The following OSBP2 variants were observed in gnomAD, a reference collection of about 807,000 sequenced individuals.
The protein encoded by OSBP2 is oxysterol binding protein 2, also known as oxysterol-binding protein 2.
Under a neutral mutation model 96.0 loss-of-function variants are expected in OSBP2, and 66 were observed. The observed-to-expected ratio is 0.69, with a 90% CI of 0.56 to 0.84. The LOEUF (loss-of-function observed/expected upper bound fraction) is 0.84, where lower values mean the gene tolerates loss of function less well. Among genes scored for constraint, OSBP2 ranks in the 40% least tolerant of loss-of-function variants. OSBP2 has a pLI of 0.00. For synonymous variants in OSBP2, 525 were observed against 520.9 expected (o/e 1.01, Z -0.11); for missense variants, 1,038 against 1,222.7 (o/e 0.85, Z 2.25).
At position 30,810,086 on chromosome 22, in the gene OSBP2, A is replaced by C. The variant is rs79718362; in HGVS notation, c.854-60343A>C. ...GGGCAAGGCTGTGCTGGTGCTACAGATGGGGAAATGTGAATGGGGGATAGG... is the reference window on the plus strand; with the variant it reads ...GGGCAAGGCTGTGCTGGTGCTACAGCTGGGGAAATGTGAATGGGGGATAGG... On this transcript the variant is annotated intron_variant, in intron 2 of 13. Transcript: ENST00000332585. 6.2e-3 allele frequency among the ~76,000 whole-genome samples: 943 copies of C among 152,176 alleles called. 11 individuals are homozygous for C. The highest frequency in any genetic ancestry group is 0.022 in the African/African-American group (903 of 41,500).
intron 2 of OSBP2, among the ~76,000 whole-genome samples, chr22:30,775,326 G>A (rs942589112): frequency 6.6e-6 from 1 of 151,992 alleles, no homozygotes; most frequent in Non-Finnish European, 1.5e-5. Context: ...ACACAAAATC[G>A]ACCAGGCGCA....
intron 2 of OSBP2, among the ~76,000 whole-genome samples, chr22:30,842,470 C>T (rs748476144): frequency 6.6e-6 from 1 of 152,110 alleles, no homozygotes; most frequent in Non-Finnish European, 1.5e-5. Context: ...AATAAGACAA[C>T]ACTGAAGTTT....
At chr22:30,867,495 CTT>C (rs2039366207) in intron 2 of OSBP2, among the ~76,000 whole-genome samples, 1 of 152,210 alleles carries the variant, frequency 6.6e-6, no homozygotes, top group Non-Finnish European at 1.5e-5. Flanking sequence ...CCCTCTCTCT[CTT>C]GTCCTACCCT....
intron 2 of OSBP2, among the ~76,000 whole-genome samples, chr22:30,818,662 A>ATG (rs148906134): frequency 3.8e-4 from 58 of 151,912 alleles, no homozygotes; most frequent in South Asian, 1.0e-3. Flanking sequence ...TATTTGTTGA[A>ATG]TGTGTGTGTG....
In OSBP2 at chr22:30,906,634, C is replaced by T. The variant is rs999858209; in HGVS notation, c.*295C>T. The T allele has an allele frequency of 2.0e-5, 6 of 297,438 alleles. No individual in the cohort carries two copies. The highest frequency in any genetic ancestry group is 1.2e-4 in the South Asian group (1 of 8,278). 18.4% of individuals were successfully genotyped at this position (297,438 alleles called of 1,614,324 possible). On this transcript the variant is annotated 3_prime_UTR_variant, in exon 14 of 14. Transcript: ENST00000332585. ...TTACCACAACTCAGGCCGGCTGGCC[C>T]GGGCCATGGGCTGCGCAAATCACCA...
chr22:30,728,487 TTTTG>T (rs1016513082), intron 1 of OSBP2, among the ~76,000 whole-genome samples: 1 of 152,098 alleles, frequency 6.6e-6, no homozygotes, highest in African/African-American at 2.4e-5. Flanking sequence ...TTCCAGGTTT[TTTTG>T]TTTGTTCATT....
In OSBP2 at chr22:30,772,198, C is replaced by T. The variant is rs564204576; in HGVS notation, c.853+30829C>T. Among the ~76,000 whole-genome samples, 12 of 152,302 alleles carry T rather than the reference C, an allele frequency of 7.9e-5. No homozygotes were observed. In the East Asian group the frequency reaches 1.9e-3, roughly 25 times the overall value. ...GATGGATCCTGCAAGTTGGGACTCC[C>T]GTGGGTGAGCTCTGGTTTTAGTGAC... On this transcript the variant is annotated intron_variant, in intron 2 of 13. Coordinates refer to ENST00000332585, the MANE Select transcript of OSBP2 (RefSeq NM_030758.4).
chr22:30,748,510 A>G (rs1037587379), intron 2 of OSBP2, among the ~76,000 whole-genome samples: 2 of 152,198 alleles, frequency 1.3e-5, no homozygotes, highest in African/African-American at 4.8e-5. Flanking sequence ...CCTCAGGGCC[A>G]GACACTAAGT....
At chr22:30,713,743 G>A (rs1186113631) in intron 1 of OSBP2, among the ~76,000 whole-genome samples, 1 of 152,142 alleles carries the variant, frequency 6.6e-6, no homozygotes, top group Non-Finnish European at 1.5e-5. Flanking sequence ...GATTACAGAT[G>A]TGAGCTATTA....
intron 2 of OSBP2, chr22:30,764,537 G>GACCAA: frequency 3.7e-6 from 1 of 268,140 alleles, no homozygotes; most frequent in Non-Finnish European, 5.7e-6. Flanking sequence ...GATGCAAGTG[G>GACCAA]GCTTGGTCCA....
At chr22:30,893,043 G>A in intron 8 of OSBP2, 79 bp from the exon 9 acceptor site, 8 of 1,562,642 alleles carry the variant, frequency 5.1e-6, no homozygotes, top group Non-Finnish European at 6.9e-6. Flanking sequence ...GGCAGGGCAA[G>A]CTGTCCCTCC....
At chr22:30,884,215 T>C (rs2039762424) in intron 3 of OSBP2, among the ~76,000 whole-genome samples, 1 of 152,144 alleles carries the variant, frequency 6.6e-6, no homozygotes, top group South Asian at 2.1e-4. Flanking sequence ...GTTTCTTTCT[T>C]TCCTCGAGGA....
chr22:30,808,212 T>C (rs546335276), intron 2 of OSBP2, among the ~76,000 whole-genome samples: 112 of 152,216 alleles, frequency 7.4e-4, no homozygotes, highest in African/African-American at 2.6e-3. Context: ...CCCCAAAAGA[T>C]ATGTTAGGCC....
At position 30,796,374 on chromosome 22, in the gene OSBP2, A is replaced by T. The variant is rs192742269; in HGVS notation, c.853+55005A>T. 1.3e-4 allele frequency among the ~76,000 whole-genome samples: 20 copies of T among 152,334 alleles called. No individual in the cohort carries two copies. In the East Asian group the frequency reaches 2.7e-3, roughly 21 times the overall value. ...TCTCAAGTTTTAGAACATTGTAAACATAAATATATTTACAAGGGAAATAAT... is the reference window on the plus strand; with the variant it reads ...TCTCAAGTTTTAGAACATTGTAAACTTAAATATATTTACAAGGGAAATAAT... On this transcript the variant is annotated intron_variant, in intron 2 of 13. Coordinates refer to ENST00000332585, the MANE Select transcript of OSBP2 (RefSeq NM_030758.4).
At chr22:30,745,414 C>T (rs547145347) in intron 2 of OSBP2, among the ~76,000 whole-genome samples, 1 of 152,202 alleles carries the variant, frequency 6.6e-6, no homozygotes, top group African/African-American at 2.4e-5. Context: ...AATCCCAGCA[C>T]TTTGGGAGGC....
intron 12 of OSBP2, among the ~76,000 whole-genome samples, chr22:30,899,711 T>G (rs1425938254): frequency 6.6e-6 from 1 of 152,110 alleles, no homozygotes; most frequent in Non-Finnish European, 1.5e-5. Context: ...TCACTTATAT[T>G]AATAAATATA....
intron 1 of OSBP2, among the ~76,000 whole-genome samples, chr22:30,698,070 T>C (rs2089082718): frequency 6.6e-6 from 1 of 152,188 alleles, no homozygotes; most frequent in African/African-American, 2.4e-5. Flanking sequence ...ACAGGCCATC[T>C]TGCCAGCTGG....
intron 2 of OSBP2, among the ~76,000 whole-genome samples, chr22:30,839,969 G>T (rs1006110729): frequency 3.3e-5 from 5 of 150,860 alleles, no homozygotes; most frequent in African/African-American, 4.9e-5. Flanking sequence ...GGTTTTTATG[G>T]TTTTAGGTCT....
chr22:30,809,191 G>T (rs1172986896), intron 2 of OSBP2, among the ~76,000 whole-genome samples: 1 of 152,170 alleles, frequency 6.6e-6, no homozygotes, highest in Non-Finnish European at 1.5e-5. Context: ...CTCCAGAACG[G>T]CAAGCAGATG....
Sources: allele counts gnomAD v4.1 joint callset (sites outside exome capture counted in the v4.1 genomes callset), GRCh38; gene constraint gnomAD v4.1.1; transcripts MANE v1.5; gene names NCBI Gene and HGNC (gene_info 2026-07-23, HGNC 2026-07-21).